USP33: variants seen among roughly 807,000 people sequenced by gnomAD.
The protein encoded by USP33 is ubiquitin carboxyl-terminal hydrolase 33.
USP33 carries 46 observed loss-of-function variants against 124.2 expected under a neutral mutation model. The ratio of observed to expected loss-of-function variants is 0.37; its 90% CI spans 0.29 to 0.47. The LOEUF is 0.47. USP33 is among the 20% of genes least tolerant of loss of function. The pLI, the probability that USP33 is intolerant of heterozygous loss-of-function variation, is 0.99. For synonymous variants in USP33, 350 were observed against 352.3 expected (o/e 0.99, Z 0.07); for missense variants, 851 against 1,070.6 (o/e 0.79, Z 2.86).
chr1:77,711,286 G>A (rs1675220506), intron 21 of USP33, among the ~76,000 whole-genome samples: 1 of 152,082 alleles, frequency 6.6e-6, no homozygotes, highest in South Asian at 2.1e-4. Context: ...CCAGTACTTT[G>A]TGGGGCCAAG....
chr1:77,718,574 T>C (rs766700646), intron 16 of USP33, 22 bp downstream of exon 16: 13 of 1,563,454 alleles, frequency 8.3e-6, no homozygotes, highest in Non-Finnish European at 1.1e-5. Context: ...CAATATAAGT[T>C]GAATTAAAAT....
rs761298403 is a variant in USP33, at chr1:77,729,936, G to A, written c.641C>T (p.Pro214Leu). 1.3e-6 allele frequency: 2 copies of A among 1,598,820 alleles called. No homozygotes were observed. The highest frequency in any genetic ancestry group is 2.2e-5 in the East Asian group (1 of 44,660). The change falls in exon 9 of 24, where the codon CCA becomes CTA. Residue 214 changes from proline to leucine, a missense_variant and splice_region_variant. Coordinates refer to ENST00000370794, the MANE Select transcript of USP33 (RefSeq NM_201624.3). ...CAGAGTAGTAGGCACAACAGATCCT[G>A]GCCTGAGCAAGAAAACATTTTTAAA... Reference protein sequence around the residue: ...LMTELWHKSRPGSVVPTTLFQ... With the variant: ...LMTELWHKSRLGSVVPTTLFQ...
chr1:77,710,684 T>C (rs1675148923), intron 21 of USP33, among the ~76,000 whole-genome samples: 2 of 152,174 alleles, frequency 1.3e-5, no homozygotes, highest in Non-Finnish European at 2.9e-5. Flanking sequence ...AAATGAATAA[T>C]ACAAAACATA....
rs1464220581 is a variant in USP33, at chr1:77,726,659, A to AG, written c.1136-898_1136-897insC. 2.0e-4 allele frequency among the ~76,000 whole-genome samples: 30 copies of AG among 151,852 alleles called. No homozygotes were observed. In the Middle Eastern group the frequency reaches 0.01, roughly 52 times the overall value. On this transcript the variant is annotated intron_variant, in intron 10 of 23. Transcript: ENST00000370794. ...AGACCCTGTTTCAGGAAAAAAAAAA[A>AG]AAAAGATATTCAGGACAGGTTTTTA... is the stretch of plus-strand genomic sequence containing the variant.
chr1:77,752,859 C>T (rs895528380), intron 1 of USP33, among the ~76,000 whole-genome samples: 2 of 152,062 alleles, frequency 1.3e-5, no homozygotes, highest in African/African-American at 4.8e-5. Context: ...CGGTGGATCA[C>T]CTGAGGTCAG....
chr1:77,737,777 G>C (rs1394390816), intron 5 of USP33, among the ~76,000 whole-genome samples: 1 of 152,094 alleles, frequency 6.6e-6, no homozygotes, highest in Non-Finnish European at 1.5e-5. Flanking sequence ...ATCTTTTCTG[G>C]CAGAAATGGC....
At chr1:77,735,786 T>C (rs1678372020) in intron 6 of USP33, among the ~76,000 whole-genome samples, 1 of 152,226 alleles carries the variant, frequency 6.6e-6, no homozygotes, top group African/African-American at 2.4e-5. Context: ...TGAGAAACAC[T>C]GTTCAAACAG....
intron 21 of USP33, among the ~76,000 whole-genome samples, chr1:77,702,864 C>A (rs796384805): frequency 1.3e-5 from 2 of 151,586 alleles, no homozygotes; most frequent in Non-Finnish European, 1.5e-5. Context: ...AAAAGAGGCT[C>A]GGGAAAATTA....
At chr1:77,710,644 G>GGT (rs538489797) in intron 21 of USP33, among the ~76,000 whole-genome samples, 34 of 152,120 alleles carry the variant, frequency 2.2e-4, no homozygotes, top group African/African-American at 6.5e-4. Flanking sequence ...AGGAAAAGCA[G>GGT]GTGTGTGTGT....
rs1347801389 is a variant in USP33 at position 77,696,417 on chromosome 1, C to T, written c.*900G>A. 6.6e-6 allele frequency: 1 copy of T among 152,578 alleles called. No homozygotes were observed. Among genetic ancestry groups the T allele is most frequent in the Non-Finnish European group, 1.5e-5 (1 of 68,052 alleles). The allele number at this position is 152,578 out of a possible 1,614,324, so 9.5% of individuals were successfully genotyped here. A position where few individuals can be genotyped will look rare whatever the true frequency, so the allele number is the denominator to read the frequency against. On this transcript the variant is annotated 3_prime_UTR_variant, in exon 24 of 24. Coordinates refer to ENST00000370794, the MANE Select transcript of USP33 (RefSeq NM_201624.3). The stretch of plus-strand genomic sequence containing the variant: ...GTTACTGATATCTGCTGACAAATTC[C>T]ACTCAAACTAAATATATCCTTGATA...
intron 1 of USP33, among the ~76,000 whole-genome samples, chr1:77,753,856 T>C (rs1248396580): frequency 6.7e-6 from 1 of 150,276 alleles, no homozygotes; most frequent in East Asian, 1.9e-4. Context: ...TATTATATAT[T>C]AGTATATATA....
chr1:77,728,780 T>G, intron 9 of USP33, 68 bp from the exon 10 acceptor site: 4 of 1,498,826 alleles, frequency 2.7e-6, no homozygotes, highest in Non-Finnish European at 3.6e-6. Context: ...AGGGAAAATA[T>G]ACAAAATGTC....
chr1:77,742,917 T>A (rs1679293318), intron 1 of USP33, among the ~76,000 whole-genome samples: 1 of 111,986 alleles, frequency 8.9e-6, no homozygotes, highest in Non-Finnish European at 2.1e-5. Flanking sequence ...TGCCTTTTAT[T>A]ATTTATTTAT....
chr1:77,755,644 G>C (rs2101623193), intron 1 of USP33, among the ~76,000 whole-genome samples: 1 of 152,356 alleles, frequency 6.6e-6, no homozygotes, highest in Non-Finnish European at 1.5e-5. Flanking sequence ...GTTGCAGTGA[G>C]CCAAGATCGC....
chr1:77,741,632 C>T lies in USP33; in HGVS notation c.66G>A (p.Leu22=). ...DSVGEITKED[L]IQKSLGTCQD... ...TGTTTCTTACAAGGGATTTTTGTAT[C>T]AAATCTTCTTTTGTTATTTCACCAA... Residue 22 remains leucine, a synonymous_variant, in exon 2 of 24, where the codon TTG becomes TTA. Coordinates refer to ENST00000370794, the MANE Select transcript of USP33 (RefSeq NM_201624.3). 6.3e-7 allele frequency: 1 copy of T among 1,587,982 alleles called. No homozygotes were observed. The highest frequency in any genetic ancestry group is 8.5e-7 in the Non-Finnish European group (1 of 1,171,238).
chr1:77,697,918 A>G lies in USP33; in HGVS notation c.2523T>C (p.Pro841=). 6.2e-7 allele frequency: 1 copy of G among 1,602,758 alleles called. No homozygotes were observed. Among genetic ancestry groups the G allele is most frequent in the Non-Finnish European group, 8.5e-7 (1 of 1,176,868 alleles). Residue 841 remains proline (P), a synonymous_variant, in exon 23 of 24, where the codon CCT becomes CCC. Coordinates refer to ENST00000370794, the MANE Select transcript of USP33 (RefSeq NM_201624.3). ...TGACTGCAATCTTAGTATTGTCAAT[A>G]GGACCTGGAGGATCTAAAGGAAAAA... ...VKGKDGDPPG[P]IDNTKIAVTK...
In USP33 at chr1:77,722,032, A is replaced by G. The variant is rs748191042; in HGVS notation, c.1554T>C (p.Tyr518=). 9 of 1,612,874 alleles carry G rather than the reference A, an allele frequency of 5.6e-6. No individual in the cohort carries two copies. The highest frequency in any genetic ancestry group is 1.1e-5 in the South Asian group (1 of 90,722). ...AGAAAATAAATACATACCTCTTCAC[A>G]TATTCCATGAAAAAAGCTATCCACC... ...PQGWIAFFME[Y]VKRFVVSCVP... is the part of the protein sequence containing the mutation. Residue 518 remains tyrosine, a synonymous_variant, in exon 13 of 24, where the codon TAT becomes TAC. Transcript: ENST00000370794.
intron 3 of USP33, among the ~76,000 whole-genome samples, 190 bp downstream of exon 3, chr1:77,741,186 C>A (rs1186336407): frequency 6.6e-6 from 1 of 152,084 alleles, no homozygotes; most frequent in African/African-American, 2.4e-5. Flanking sequence ...GAGTGATTTA[C>A]TAAAAACTAC....
chr1:77,700,820 C>G (rs1329058555), intron 22 of USP33, among the ~76,000 whole-genome samples: 1 of 151,760 alleles, frequency 6.6e-6, no homozygotes, highest in Admixed American at 6.6e-5. Flanking sequence ...CCTGCCTCAG[C>G]CTCCTGAGTA....
Sources: allele counts gnomAD v4.1 joint callset (sites outside exome capture counted in the v4.1 genomes callset), GRCh38; gene constraint gnomAD v4.1.1; transcripts MANE v1.5; gene names NCBI Gene and HGNC (gene_info 2026-07-23, HGNC 2026-07-21).